The following SLC46A3 variants were observed in gnomAD, a reference collection of about 807,000 sequenced individuals.
SLC46A3 encodes the protein lysosomal proton-coupled steroid conjugate and bile acid symporter SLC46A3.
SLC46A3 carries 26 observed loss-of-function variants against 38.5 expected under a neutral mutation model. That is an observed-to-expected ratio of 0.68 (90% CI 0.49 to 0.94). The LOEUF is 0.94. SLC46A3 is among the 40% of genes least tolerant of loss of function. The pLI is 0.00. For missense variants in SLC46A3, 510 were observed against 544.3 expected, an observed-to-expected ratio of 0.94 and a Z score of 0.63; for synonymous variants, 185 against 192.5, an observed-to-expected ratio of 0.96 and a Z score of 0.32.
At chr13:28,710,922 T>G in intron 3 of SLC46A3, 79 bp from the exon 4 acceptor site, 1 of 987,776 alleles carries the variant, frequency 1.0e-6, no homozygotes, top group Non-Finnish European at 1.6e-6. Flanking sequence ...ACTTTCACTC[T>G]GTCTAAATAC....
chr13:28,717,189 C>T (rs776990230), intron 2 of SLC46A3, among the ~76,000 whole-genome samples: 3 of 152,020 alleles, frequency 2.0e-5, no homozygotes, highest in African/African-American at 4.8e-5. Flanking sequence ...TTGGTGTCAA[C>T]GGTGGGTACT....
intron 4 of SLC46A3, among the ~76,000 whole-genome samples, chr13:28,707,619 T>G (rs1217150319): frequency 6.6e-6 from 1 of 152,172 alleles, no homozygotes; most frequent in South Asian, 2.1e-4. Flanking sequence ...AAACTATACC[T>G]CTTGACAGCT....
intron 4 of SLC46A3, among the ~76,000 whole-genome samples, chr13:28,708,428 T>C (rs1436278310): frequency 6.6e-6 from 1 of 152,324 alleles, no homozygotes; most frequent in East Asian, 1.9e-4. Flanking sequence ...CGCATATTGG[T>C]CACTTGTATA....
intron 4 of SLC46A3, chr13:28,704,398 T>G (rs1885117983): frequency 3.8e-6 from 1 of 260,066 alleles, no homozygotes; most frequent in African/African-American, 2.2e-5. Flanking sequence ...GCTGACTCTT[T>G]TGATAACTGC....
At chr13:28,712,626 T>C (rs1885374698) in intron 3 of SLC46A3, 54 bp downstream of exon 3, 1 of 1,478,110 alleles carries the variant, frequency 6.8e-7, no homozygotes, top group Non-Finnish European at 8.9e-7. Flanking sequence ...ACTAAATTCA[T>C]TTTATATGAA....
intron 2 of SLC46A3, among the ~76,000 whole-genome samples, chr13:28,714,270 A>G (rs572427199): frequency 6.6e-6 from 1 of 152,036 alleles, no homozygotes; most frequent in East Asian, 1.9e-4. Flanking sequence ...AAAAGAATTT[A>G]AAATAAGATA....
At chr13:28,714,157 A>AAATT (rs1555260404) in intron 2 of SLC46A3, among the ~76,000 whole-genome samples, 1 of 143,024 alleles carries the variant, frequency 7.0e-6, no homozygotes. Flanking sequence ...AAAAAAAAAA[A>AAATT]AACCTTTATT....
intron 2 of SLC46A3, 39 bp from the exon 3 acceptor site, chr13:28,713,589 G>A (rs987944326): frequency 3.2e-6 from 5 of 1,555,466 alleles, no homozygotes; most frequent in Middle Eastern, 2.1e-4. Flanking sequence ...GTTTACAGTA[G>A]TTAACACAAC....
chr13:28,702,855 C>CT (rs1480986440), intron 5 of SLC46A3, among the ~76,000 whole-genome samples: 1 of 152,166 alleles, frequency 6.6e-6, no homozygotes, highest in Non-Finnish European at 1.5e-5. Context: ...AACTCAGAGC[C>CT]TTACCCCAAA....
chr13:28,713,278 A>G lies in SLC46A3; in HGVS notation c.462T>C (p.Tyr154=), dbSNP rs1310926598. Residue 154 remains tyrosine, a synonymous_variant, in exon 3 of 6, where the codon TAT becomes TAC. Transcript: ENST00000266943. The part of the protein sequence containing the change: ...YTTFWGACFA[Y]IVDQCKEHKQ... Reference sequence around the variant, plus strand: ...TGTGTTCTTTACACTGATCAACTATATAGGCAAAGCAAGCTCCCCAAAATG... The same window carrying G: ...TGTGTTCTTTACACTGATCAACTATGTAGGCAAAGCAAGCTCCCCAAAATG... 4 of 1,613,898 alleles carry G rather than the reference A, an allele frequency of 2.5e-6. No individual in the cohort carries two copies. The Admixed American group carries it at 6.7e-5, about 27-fold the overall frequency.
intron 4 of SLC46A3, 66 bp from the exon 5 acceptor site, chr13:28,704,165 A>C: frequency 7.9e-6 from 11 of 1,384,444 alleles, no homozygotes; most frequent in African/African-American, 1.5e-5. Context: ...ACAAACACAA[A>C]CTAATGGAGA....
At chr13:28,718,223 T>C (rs1885589296) in intron 1 of SLC46A3, among the ~76,000 whole-genome samples, 1 of 152,216 alleles carries the variant, frequency 6.6e-6, no homozygotes, top group African/African-American at 2.4e-5. Context: ...CTGCCATGCT[T>C]TCCATTTTTA....
At chr13:28,715,742 A>T (rs1593191634) in intron 2 of SLC46A3, among the ~76,000 whole-genome samples, 2 of 152,236 alleles carry the variant, frequency 1.3e-5, no homozygotes, top group African/African-American at 4.8e-5. Flanking sequence ...GAGATGTCTG[A>T]GTTGATGGAT....
chr13:28,714,577 T>C (rs1234411038), intron 2 of SLC46A3, among the ~76,000 whole-genome samples: 2 of 152,170 alleles, frequency 1.3e-5, no homozygotes, highest in Non-Finnish European at 2.9e-5. Flanking sequence ...GGCAAAACCC[T>C]GTCTCTACTA....
At chr13:28,707,828 T>G (rs1193375066) in intron 4 of SLC46A3, among the ~76,000 whole-genome samples, 1 of 152,154 alleles carries the variant, frequency 6.6e-6, no homozygotes, top group Non-Finnish European at 1.5e-5. Context: ...CCATAAGTAG[T>G]CATTCCCCTT....
At chr13:28,704,324 G>T in intron 4 of SLC46A3, 1 of 478,084 alleles carries the variant, frequency 2.1e-6, no homozygotes, top group Non-Finnish European at 3.7e-6. Flanking sequence ...TGATGTGAGA[G>T]ATGTTGGAAA....
intron 5 of SLC46A3, 106 bp downstream of exon 5, chr13:28,703,837 C>A: frequency 2.0e-6 from 2 of 1,004,198 alleles, no homozygotes; most frequent in Non-Finnish European, 1.5e-6. Flanking sequence ...GAGAAAAGCA[C>A]GTTCTGAGGC....
At chr13:28,711,442 A>AC (rs1481457460) in intron 3 of SLC46A3, among the ~76,000 whole-genome samples, 48 of 151,902 alleles carry the variant, frequency 3.2e-4, no homozygotes, top group African/African-American at 1.0e-3. Flanking sequence ...AAAAAAACAA[A>AC]AAAAAAAACT....
At chr13:28,705,290 T>C (rs144646746) in intron 4 of SLC46A3, among the ~76,000 whole-genome samples, 4 of 152,312 alleles carry the variant, frequency 2.6e-5, no homozygotes, top group Admixed American at 6.5e-5. Flanking sequence ...TAAATAATTG[T>C]GTTTGCTTGG....
Sources: gnomAD v4.1 joint callset for allele counts (sites outside exome capture counted in the v4.1 genomes callset) on GRCh38, gnomAD v4.1.1 for gene constraint, MANE v1.5 for transcripts, NCBI Gene and HGNC (gene_info 2026-07-23, HGNC 2026-07-21) for gene names.